PIK3R3: variants seen among roughly 807,000 people sequenced by gnomAD.
PIK3R3 encodes phosphoinositide-3-kinase regulatory subunit 3.
Under a neutral mutation model 62.9 loss-of-function variants are expected in PIK3R3, and 64 were observed. That is an observed-to-expected ratio of 1.02 (90% CI 0.83 to 1.25). The LOEUF (loss-of-function observed/expected upper bound fraction) is 1.25. Among genes scored for constraint, PIK3R3 ranks in the 50% most tolerant of loss-of-function variants. PIK3R3 has a pLI of 0.00. For missense variants in PIK3R3, 614 were observed against 561.6 expected (o/e 1.09, Z -0.94); for synonymous variants, 165 against 189.0 (o/e 0.87, Z 1.04).
At position 46,044,726 on chromosome 1, in the gene PIK3R3, G is replaced by A. The variant is rs951705383; in HGVS notation, c.1188-855C>T. Among the ~76,000 whole-genome samples the A allele has an allele frequency of 6.6e-6, 1 of 152,050 alleles. No individual in the cohort carries two copies. The highest frequency in any genetic ancestry group is 1.5e-5 in the Non-Finnish European group (1 of 68,014). ...CCTTTTCCACAAAACCTCCCAATCC[G>A]CTCTTTCTCCACTAAAATTAATGCT... is the stretch of plus-strand genomic sequence containing the variant. On this transcript the variant is annotated intron_variant, in intron 9 of 9. Coordinates refer to ENST00000262741, the MANE Select transcript of PIK3R3 (RefSeq NM_003629.4). The surrounding 1 kb of genome is among the most constrained non-coding windows in gnomAD (Gnocchi z 4.2).
chr1:46,120,302 G>A (rs1425011036), intron 1 of PIK3R3, among the ~76,000 whole-genome samples: 2 of 152,218 alleles, frequency 1.3e-5, no homozygotes, highest in African/African-American at 4.8e-5. Flanking sequence ...ATGTGGCTGG[G>A]CGCGGTGGCT....
the PIK3R3 span, among the ~76,000 whole-genome samples, chr1:46,146,713 A>G: frequency 2.8e-5 from 2 of 72,600 alleles, no homozygotes; most frequent in Non-Finnish European, 6.0e-5. Flanking sequence ...ACACACACAC[A>G]CACACACACA....
At chr1:46,162,178 T>C in the PIK3R3 span, among the ~76,000 whole-genome samples, 2 of 151,270 alleles carry the variant, frequency 1.3e-5, no homozygotes, top group South Asian at 4.2e-4. Context: ...GGTAAGAGTT[T>C]GGTAAAATAG....
intron 5 of PIK3R3, among the ~76,000 whole-genome samples, chr1:46,063,044 C>T (rs1648661786): frequency 1.3e-5 from 2 of 152,080 alleles, no homozygotes; most frequent in African/African-American, 4.8e-5. Flanking sequence ...TGAAGTCTGC[C>T]CTCCAGGACT....
rs1435406956 is a variant in PIK3R3 at position 46,044,874 on chromosome 1, T to G, written c.1188-1003A>C. Among the ~76,000 whole-genome samples the G allele has an allele frequency of 2.6e-5, 4 of 152,240 alleles. No individual in the cohort carries two copies. The highest frequency in any genetic ancestry group is 9.6e-5 in the African/African-American group (4 of 41,466). ...ATGTGGGTTTTGAAACCAGGTAAAC[T>G]TGGATTCAAACTCTGACTCCATGAT... is the stretch of plus-strand genomic sequence containing the variant. On this transcript the variant is annotated intron_variant, in intron 9 of 9. Coordinates refer to ENST00000262741, the MANE Select transcript of PIK3R3 (RefSeq NM_003629.4). The surrounding 1 kb of genome is among the most constrained non-coding windows in gnomAD (Gnocchi z 4.2).
chr1:46,080,384 C>T (rs1194530780), intron 2 of PIK3R3, among the ~76,000 whole-genome samples: 1 of 151,362 alleles, frequency 6.6e-6, no homozygotes, highest in African/African-American at 2.4e-5. Flanking sequence ...CTTTAAATAA[C>T]AATTAGTAGA....
At chr1:46,097,380 C>A (rs1444988254) in intron 1 of PIK3R3, among the ~76,000 whole-genome samples, 1 of 151,338 alleles carries the variant, frequency 6.6e-6, no homozygotes, top group East Asian at 1.9e-4. Flanking sequence ...CCTGCCTCCA[C>A]AAAAAAATAA....
chr1:46,075,301 T>G (rs1649965074), intron 3 of PIK3R3, among the ~76,000 whole-genome samples: 1 of 152,204 alleles, frequency 6.6e-6, no homozygotes, highest in South Asian at 2.1e-4. Context: ...CAAAATTAAT[T>G]AAGGAAACTC....
intron 1 of PIK3R3, among the ~76,000 whole-genome samples, chr1:46,096,790 C>T (rs1305134666): frequency 6.8e-6 from 1 of 147,460 alleles, no homozygotes; most frequent in Admixed American, 6.9e-5. Context: ...GCAGTGAGCA[C>T]AGATAGTGTC....
At position 46,043,827 on chromosome 1, in the gene PIK3R3, C is replaced by T. The variant is rs368641799; in HGVS notation, c.1232G>A (p.Arg411Gln). ...VKHCVIYSTA[R>Q]GYGFAEPYNL... ...GTAGGGCTCTGCAAAGCCATAGCCC[C>T]GAGCAGTGCTGTAGATCACACAGTG... Residue 411 changes from arginine to glutamine, a missense_variant, in exon 10 of 10, where the codon CGG (arginine) becomes CAG (glutamine). Arg to Gln is a conservative substitution (Grantham distance 43). Coordinates refer to ENST00000262741, the MANE Select transcript of PIK3R3 (RefSeq NM_003629.4). 60 of 1,613,928 alleles carry T rather than the reference C, an allele frequency of 3.7e-5. No individual in the cohort carries two copies. Among genetic ancestry groups the T allele is most frequent in the East Asian group, 3.3e-4 (15 of 44,882 alleles).
At chr1:46,094,965 C>T (rs1651980251) in intron 1 of PIK3R3, among the ~76,000 whole-genome samples, 1 of 152,198 alleles carries the variant, frequency 6.6e-6, no homozygotes, top group Non-Finnish European at 1.5e-5. Context: ...TTTGGAGACA[C>T]ATATGATATT....
chr1:46,108,965 C>T (rs1488493676), intron 1 of PIK3R3, among the ~76,000 whole-genome samples: 4 of 152,202 alleles, frequency 2.6e-5, no homozygotes, highest in African/African-American at 9.6e-5. Flanking sequence ...CGAGACTATC[C>T]TGGCTAACAC....
chr1:46,076,319 C>T (rs1480979433), intron 3 of PIK3R3, among the ~76,000 whole-genome samples: 2 of 152,160 alleles, frequency 1.3e-5, no homozygotes, highest in Non-Finnish European at 2.9e-5. Context: ...AGCAAAATAG[C>T]TTAAAGTTAG....
chr1:46,103,619 G>A (rs1470950785), intron 1 of PIK3R3, among the ~76,000 whole-genome samples: 3 of 151,974 alleles, frequency 2.0e-5, no homozygotes, highest in African/African-American at 7.2e-5. Flanking sequence ...TTTACAGACA[G>A]AGTCTTGCAC....
upstream of PIK3R3, among the ~76,000 whole-genome samples, chr1:46,137,717 A>G (rs1208435121): frequency 1.3e-5 from 2 of 152,196 alleles, no homozygotes; most frequent in Non-Finnish European, 2.9e-5. Context: ...ATGTTGGACA[A>G]CAGTGGTTCC....
chr1:46,149,089 C>A, the PIK3R3 span, among the ~76,000 whole-genome samples: 1 of 152,188 alleles, frequency 6.6e-6, no homozygotes, highest in Non-Finnish European at 1.5e-5. Context: ...TGGTCCCTCA[C>A]TGCTCATTTT....
the PIK3R3 span, among the ~76,000 whole-genome samples, chr1:46,150,803 C>G: frequency 2.7e-5 from 3 of 112,784 alleles, no homozygotes; most frequent in Non-Finnish European, 5.4e-5. Flanking sequence ...GGTAAACACT[C>G]TTTTTTTTTT....
At chr1:46,147,543 G>A in the PIK3R3 span, among the ~76,000 whole-genome samples, 7 of 151,950 alleles carry the variant, frequency 4.6e-5, no homozygotes, top group Admixed American at 1.3e-4. Context: ...TCAGCCTCCC[G>A]AGTAGCTGGG....
At chr1:46,139,853 G>A in the PIK3R3 span, among the ~76,000 whole-genome samples, 1 of 152,136 alleles carries the variant, frequency 6.6e-6, no homozygotes, top group Non-Finnish European at 1.5e-5. Flanking sequence ...TCTTTTCCAA[G>A]ACAATGGAGG....
Sources: allele counts gnomAD v4.1 joint callset (sites outside exome capture counted in the v4.1 genomes callset), GRCh38; gene constraint gnomAD v4.1.1; non-coding constraint Gnocchi (gnomAD v3.1); transcripts MANE v1.5; gene names NCBI Gene and HGNC (gene_info 2026-07-23, HGNC 2026-07-21).